Variants in TENT2 observed in about 807,000 individuals in gnomAD.
TENT2 encodes the protein poly(A) RNA polymerase GLD2.
TENT2 carries 44 observed loss-of-function variants against 72.2 expected under a neutral mutation model. That is an observed-to-expected ratio of 0.61 (90% confidence interval 0.48 to 0.78). The LOEUF (loss-of-function observed/expected upper bound fraction) is 0.78, where lower values mean the gene tolerates loss of function less well. Among genes scored for constraint, TENT2 ranks in the 30% least tolerant of loss-of-function variants. The probability of loss-of-function intolerance (pLI) is 0.00; values close to 1 mark genes in which losing one functional copy is unlikely to be tolerated. For synonymous variants in TENT2, 212 were observed against 192.5 expected (o/e 1.10, Z -0.84); for missense variants, 541 against 569.6 (o/e 0.95, Z 0.51).
At chr5:79,661,006 T>A (rs1388254279) in intron 11 of TENT2, among the ~76,000 whole-genome samples, 1 of 151,904 alleles carries the variant, frequency 6.6e-6, no homozygotes, top group Non-Finnish European at 1.5e-5. Flanking sequence ...AAAAAAAAAA[T>A]TTAAAATAGA....
At chr5:79,628,232 G>A (rs371417170) in intron 4 of TENT2, among the ~76,000 whole-genome samples, 1 of 152,338 alleles carries the variant, frequency 6.6e-6, no homozygotes, top group African/African-American at 2.4e-5. Flanking sequence ...GTTTACTTCT[G>A]TAGAGTATAA....
At chr5:79,621,865 CTAAAA>C (rs1218734142) in intron 3 of TENT2, among the ~76,000 whole-genome samples, 2 of 151,920 alleles carry the variant, frequency 1.3e-5, no homozygotes, top group African/African-American at 4.8e-5. Flanking sequence ...ATATATAGCT[CTAAAA>C]TACTTTTATG....
intron 10 of TENT2, among the ~76,000 whole-genome samples, chr5:79,655,553 T>C (rs2150285269): frequency 6.6e-6 from 1 of 152,236 alleles, no homozygotes; most frequent in South Asian, 2.1e-4. Flanking sequence ...ATTTGACTTC[T>C]GTATTATAAC....
rs1026481270 is a variant in TENT2 at position 79,688,136 on chromosome 5, C to T, written c.*2863C>T. 4.6e-5 allele frequency among the ~76,000 whole-genome samples: 7 copies of T among 152,206 alleles called. No individual in the cohort carries two copies. Among genetic ancestry groups the T allele is most frequent in the African/African-American group, 7.2e-5 (3 of 41,454 alleles). On this transcript the variant is annotated 3_prime_UTR_variant, in exon 15 of 15. Transcript: ENST00000453514. ...CAGTTCATTACCTCCAGACATAATG[C>T]ATGCATACCAGCTCGTGTAACTGGT...
At chr5:79,683,925 A>T (rs1486950125) in intron 14 of TENT2, among the ~76,000 whole-genome samples, 7 of 80,422 alleles carry the variant, frequency 8.7e-5, no homozygotes, top group African/African-American at 1.7e-4. Context: ...CTCCGTCTCA[A>T]AAAAAAAAAA....
rs531424422 is a variant in TENT2, at chr5:79,656,747, A to G, written c.1028-211A>G. ...GGAACATTGATTTACATAGGGATAT[A>G]TGTAGTTTATTAATAAAACCTTAGT... is the stretch of plus-strand genomic sequence containing the variant. On this transcript the variant is annotated intron_variant, in intron 10 of 14. Coordinates refer to ENST00000453514, the MANE Select transcript of TENT2 (RefSeq NM_001114394.3). The G allele has an allele frequency of 4.4e-5, 21 of 479,684 alleles. No individual in the cohort carries two copies. In the South Asian group the frequency reaches 4.6e-4, roughly 11 times the overall value. 29.7% of individuals were successfully genotyped at this position (479,684 alleles called of 1,614,324 possible).
intron 7 of TENT2, among the ~76,000 whole-genome samples, chr5:79,643,769 G>A (rs1786349463): frequency 6.6e-6 from 1 of 151,874 alleles, no homozygotes; most frequent in South Asian, 2.1e-4. Flanking sequence ...AAAAATGGAA[G>A]GGCCCTTAAA....
intron 12 of TENT2, among the ~76,000 whole-genome samples, chr5:79,672,431 T>C (rs1212803636): frequency 6.6e-6 from 1 of 152,218 alleles, no homozygotes; most frequent in Non-Finnish European, 1.5e-5. Flanking sequence ...CTTGTACTCA[T>C]TAACAATCCC....
intron 4 of TENT2, among the ~76,000 whole-genome samples, chr5:79,629,804 G>T (rs1488049625): frequency 2.1e-5 from 3 of 142,770 alleles, no homozygotes; most frequent in African/African-American, 8.2e-5. Context: ...TCCAGCCTGG[G>T]CAACAGAGTG....
intron 1 of TENT2, among the ~76,000 whole-genome samples, chr5:79,616,121 A>G (rs1220511216): frequency 6.6e-6 from 1 of 150,678 alleles, no homozygotes; most frequent in East Asian, 1.9e-4. Flanking sequence ...TCCTGACCTC[A>G]GGTGATCTGC....
Position 79,657,960 on chromosome 5 carries a change from A to T in TENT2, c.1071+959A>T, listed in dbSNP as rs76208920. On this transcript the variant is annotated intron_variant, in intron 11 of 14. Coordinates refer to ENST00000453514, the MANE Select transcript of TENT2 (RefSeq NM_001114394.3). ...ACACAAAATATAACAAATTTACTTGACATGGAACATCAGTTAAATATAGTT... is the reference window on the plus strand; with the variant it reads ...ACACAAAATATAACAAATTTACTTGTCATGGAACATCAGTTAAATATAGTT... Among the ~76,000 whole-genome samples, 17 of 152,334 alleles carry T rather than the reference A, an allele frequency of 1.1e-4. No individual in the cohort carries two copies. The East Asian group carries it at 1.7e-3, about 16-fold the overall frequency.
chr5:79,625,921 C>A (rs1443966946), intron 4 of TENT2, among the ~76,000 whole-genome samples: 1 of 151,316 alleles, frequency 6.6e-6, no homozygotes. Context: ...CTCCACCTCC[C>A]GGGTTCAAGC....
intron 14 of TENT2, among the ~76,000 whole-genome samples, chr5:79,683,379 A>G (rs923484460): frequency 1.3e-5 from 2 of 151,922 alleles, no homozygotes; most frequent in Non-Finnish European, 2.9e-5. Context: ...GTGTAGTGGT[A>G]TGCACCTGTG....
chr5:79,626,256 C>G (rs1337914288), intron 4 of TENT2, among the ~76,000 whole-genome samples: 5 of 151,246 alleles, frequency 3.3e-5, no homozygotes, highest in African/African-American at 1.2e-4. Context: ...CTGTCTCAGC[C>G]TCCTGAGTAG....
At chr5:79,613,634 C>T (rs1447787148) in intron 1 of TENT2, among the ~76,000 whole-genome samples, 2 of 152,190 alleles carry the variant, frequency 1.3e-5, no homozygotes, top group Non-Finnish European at 2.9e-5. Flanking sequence ...CTAATTATGT[C>T]TGTTCTGGAA....
At chr5:79,645,953 C>G (rs1788609336) in intron 8 of TENT2, among the ~76,000 whole-genome samples, 1 of 152,156 alleles carries the variant, frequency 6.6e-6, no homozygotes, top group African/African-American at 2.4e-5. Flanking sequence ...TATTCATACG[C>G]TTTTGTGGTC....
At chr5:79,683,424 G>A (rs569854682) in intron 14 of TENT2, among the ~76,000 whole-genome samples, 1 of 152,112 alleles carries the variant, frequency 6.6e-6, no homozygotes, top group African/African-American at 2.4e-5. Context: ...GGAGAGAAAA[G>A]CCTTGAGCCC....
intron 1 of TENT2, among the ~76,000 whole-genome samples, chr5:79,618,602 T>A (rs1174894336): frequency 6.6e-6 from 1 of 152,114 alleles, no homozygotes; most frequent in Non-Finnish European, 1.5e-5. Context: ...GAGTTTTTTT[T>A]TTGAGTGTTC....
intron 4 of TENT2, among the ~76,000 whole-genome samples, chr5:79,632,264 G>C (rs1328272704): frequency 6.6e-6 from 1 of 152,118 alleles, no homozygotes; most frequent in Non-Finnish European, 1.5e-5. Context: ...TAACTACTTT[G>C]AGGATAAACA....
Sources: allele counts gnomAD v4.1 joint callset (sites outside exome capture counted in the v4.1 genomes callset), GRCh38; gene constraint gnomAD v4.1.1; transcripts MANE v1.5; gene names NCBI Gene and HGNC (gene_info 2026-07-23, HGNC 2026-07-21).